The following NOD2 variants were observed in gnomAD, a reference collection of about 807,000 sequenced individuals.
NOD2 encodes the protein nucleotide binding oligomerization domain containing 2.
NOD2 carries 86 observed loss-of-function variants against 90.9 expected under a neutral mutation model. That is an observed-to-expected ratio of 0.95 (90% CI 0.79 to 1.13). NOD2 has a LOEUF of 1.13. Among genes scored for constraint, NOD2 ranks in the 50% most tolerant of loss-of-function variants. The pLI is 0.00. For missense variants in NOD2, 1,238 were observed against 1,283.8 expected (o/e 0.96, Z 0.55); for synonymous variants, 581 against 554.6 (o/e 1.05, Z -0.67).
At position 50,710,555 on chromosome 16, in the gene NOD2, C is replaced by T; in HGVS notation, c.566-3C>T. ...TTCATCTGCCTCTTCTTCTGCCTTC[C>T]AGCTGCCACATGCAAGAAGTATATG... On this transcript the variant is annotated splice_polypyrimidine_tract_variant and splice_region_variant and intron_variant, in intron 3 of 11. Transcript: ENST00000647318. The T allele has an allele frequency of 6.2e-7, 1 of 1,614,194 alleles. No homozygotes were observed. Among genetic ancestry groups the T allele is most frequent in the Non-Finnish European group, 8.5e-7 (1 of 1,180,046 alleles).
chr16:50,712,722 G>T, intron 4 of NOD2: 1 of 357,008 alleles, frequency 2.8e-6, no homozygotes. Context: ...GGCAGAGCTG[G>T]GGTTCACAAA....
intron 7 of NOD2, among the ~76,000 whole-genome samples, chr16:50,721,140 T>C (rs539005992): frequency 1.1e-4 from 17 of 151,948 alleles, no homozygotes; most frequent in Non-Finnish European, 2.1e-4. Flanking sequence ...GGGACTATGT[T>C]GCTCTAGAAA....
chr16:50,699,349 G>C, intron 1 of NOD2, 139 bp from the exon 2 acceptor site: 1 of 712,030 alleles, frequency 1.4e-6, no homozygotes, highest in Non-Finnish European at 2.5e-6. Flanking sequence ...ATATGGTGGG[G>C]AGCTTGGATT....
chr16:50,723,179 A>C (rs1170223115), intron 8 of NOD2, 122 bp from the exon 9 acceptor site: 1 of 738,662 alleles, frequency 1.4e-6, no homozygotes, highest in Non-Finnish European at 2.4e-6. Context: ...CACCGCAATC[A>C]ATTAGTGATG....
intron 7 of NOD2, among the ~76,000 whole-genome samples, chr16:50,722,359 T>G (rs1965097628): frequency 6.6e-6 from 1 of 152,192 alleles, no homozygotes. Flanking sequence ...TCCTTAAGGG[T>G]TAGGGCTGGG....
chr16:50,721,818 G>A lies in NOD2; in HGVS notation c.2634-804G>A, dbSNP rs148941214. 8.3e-3 allele frequency among the ~76,000 whole-genome samples: 1,261 copies of A among 152,298 alleles called. 14 individuals are homozygous for A. The highest frequency in any genetic ancestry group is 0.029 in the African/African-American group (1,201 of 41,554). ...TGACCTCATTTTTCAAAGAGCTGCAGAGTGTTACATAATGTATTTAACTGG... is the reference window on the plus strand; with the variant it reads ...TGACCTCATTTTTCAAAGAGCTGCAAAGTGTTACATAATGTATTTAACTGG... On this transcript the variant is annotated intron_variant, in intron 7 of 11. Coordinates refer to ENST00000647318, the MANE Select transcript of NOD2 (RefSeq NM_001370466.1).
rs773580517 is a variant in NOD2 at position 50,711,437 on chromosome 16, C to A, written c.1445C>A (p.Thr482Asn). The A allele has an allele frequency of 2.5e-6, 4 of 1,613,550 alleles. No homozygotes were observed. Reference protein sequence around the residue: ...LLLQEGGSPKTTTDMYLLILQ... With the variant: ...LLLQEGGSPKNTTDMYLLILQ... ...CTGCAGGAGGGGGGGTCCCCAAAGA[C>A]CACTACAGATATGTACCTGCTGATT... The change falls in exon 4 of 12, where the codon ACC (threonine) becomes AAC (asparagine). Residue 482 changes from threonine (T) to asparagine (N), a missense_variant. Physicochemically the swap from Thr to Asn is moderately conservative, Grantham distance 65. This residue lies in a region of NOD2 where 667 missense variants were observed against 688.7 expected (regional missense o/e 0.97). Transcript: ENST00000647318.
At chr16:50,695,163 G>C (rs182384245) in intron 1 of NOD2, among the ~76,000 whole-genome samples, 1 of 151,902 alleles carries the variant, frequency 6.6e-6, no homozygotes, top group African/African-American at 2.4e-5. Flanking sequence ...GATCATGGGG[G>C]GGGTGGGGTA....
intron 1 of NOD2, chr16:50,697,474 G>T: frequency 1.3e-6 from 1 of 749,794 alleles, no homozygotes; most frequent in Non-Finnish European, 2.4e-6. Context: ...TTTTCCCCAG[G>T]ACCTGGGCAG....
chr16:50,709,412 C>T (rs1287779344), intron 3 of NOD2, among the ~76,000 whole-genome samples: 1 of 152,198 alleles, frequency 6.6e-6, no homozygotes, highest in Non-Finnish European at 1.5e-5. Flanking sequence ...CTCCTACCAG[C>T]CTGGGACGCT....
intron 7 of NOD2, among the ~76,000 whole-genome samples, chr16:50,721,403 TTTG>T (rs559190652): frequency 3.3e-3 from 499 of 151,974 alleles, no homozygotes; most frequent in Non-Finnish European, 4.7e-3. Context: ...TTGTTTTGTT[TTTG>T]TTGTTGTTTT....
At chr16:50,715,446 C>T (rs1021838070) in intron 4 of NOD2, among the ~76,000 whole-genome samples, 4 of 150,876 alleles carry the variant, frequency 2.7e-5, no homozygotes, top group African/African-American at 7.3e-5. Flanking sequence ...GACGGAGTCT[C>T]GTTCTGTTGC....
intron 2 of NOD2, among the ~76,000 whole-genome samples, chr16:50,704,712 T>C (rs1964106735): frequency 6.6e-6 from 1 of 152,060 alleles, no homozygotes; most frequent in African/African-American, 2.4e-5. Context: ...GAGATGGGGT[T>C]TTGCTATGTT....
At chr16:50,727,485 TAA>T (rs1965307232) in intron 10 of NOD2, 1 of 195,636 alleles carries the variant, frequency 5.1e-6, no homozygotes, top group Admixed American at 5.6e-5. Context: ...CAATAAGAAA[TAA>T]GTTTGTTTAT....
intron 2 of NOD2, among the ~76,000 whole-genome samples, chr16:50,702,460 T>C (rs1471131100): frequency 1.3e-5 from 2 of 152,208 alleles, no homozygotes; most frequent in Non-Finnish European, 2.9e-5. Context: ...TGACTCTGAT[T>C]TGGTGGCCTT....
chr16:50,718,437 C>T (rs1036522771), intron 6 of NOD2, among the ~76,000 whole-genome samples: 1 of 152,234 alleles, frequency 6.6e-6, no homozygotes, highest in African/African-American at 2.4e-5. Context: ...ATCAGAATAG[C>T]ATGCAATTTA....
At chr16:50,704,530 AC>A (rs1254454453) in intron 2 of NOD2, among the ~76,000 whole-genome samples, 1 of 126,592 alleles carries the variant, frequency 7.9e-6, no homozygotes, top group Non-Finnish European at 1.7e-5. Flanking sequence ...GAATTCCAAA[AC>A]CTTTTTTTTT....
intron 10 of NOD2, 130 bp downstream of exon 10, chr16:50,725,702 G>GTCCACCTAGACCAA: frequency 1.3e-6 from 1 of 741,540 alleles, no homozygotes. Flanking sequence ...AGCTTGCCTT[G>GTCCACCTAGACCAA]GTCTAGGTGG....
At chr16:50,722,844 G>T in intron 8 of NOD2, 139 bp downstream of exon 8, 1 of 824,018 alleles carries the variant, frequency 1.2e-6, no homozygotes. Flanking sequence ...AAGACCATTG[G>T]ATTTCAAGAG....
Sources: gnomAD v4.1 joint callset for allele counts (sites outside exome capture counted in the v4.1 genomes callset) on GRCh38, gnomAD v4.1.1 for gene constraint, gnomAD v4.1.1 regional missense constraint, MANE v1.5 for transcripts, NCBI Gene and HGNC (gene_info 2026-07-23, HGNC 2026-07-21) for gene names.